The following PEAK1 variants were observed in gnomAD, a reference collection of about 807,000 sequenced individuals.
PEAK1 encodes pseudopodium enriched atypical kinase 1.
In PEAK1, 54 loss-of-function variants were observed where a neutral mutation model predicts 124.7. The observed-to-expected ratio is 0.43, with a 90% confidence interval of 0.35 to 0.54. PEAK1 has a LOEUF of 0.54. Ranked by LOEUF, PEAK1 falls within the 20% of genes least tolerant of loss-of-function variation. PEAK1 has a pLI of 0.01. For synonymous variants in PEAK1, 719 were observed against 760.0 expected, an observed-to-expected ratio of 0.95 and a Z score of 0.89; for missense variants, 2,046 against 2,134.5, an observed-to-expected ratio of 0.96 and a Z score of 0.82.
At chr15:77,210,893 A>G (rs1026507489) in intron 6 of PEAK1, among the ~76,000 whole-genome samples, 21 of 152,220 alleles carry the variant, frequency 1.4e-4, no homozygotes, top group Non-Finnish European at 3.1e-4. Context: ...CTGTCTCAAA[A>G]AACAAAAACA....
intron 5 of PEAK1, among the ~76,000 whole-genome samples, chr15:77,264,323 T>C (rs1473128681): frequency 6.6e-6 from 1 of 152,164 alleles, no homozygotes; most frequent in Non-Finnish European, 1.5e-5. Context: ...TTGTCCCTGT[T>C]TGCAGATGAC....
chr15:77,139,913 G>T (rs1341891381), intron 8 of PEAK1, among the ~76,000 whole-genome samples: 1 of 151,930 alleles, frequency 6.6e-6, no homozygotes, highest in African/African-American at 2.4e-5. Context: ...ATATGAGAAT[G>T]CTAAGCTTCA....
chr15:77,269,884 T>C (rs1479511583), intron 5 of PEAK1, among the ~76,000 whole-genome samples: 1 of 152,214 alleles, frequency 6.6e-6, no homozygotes, highest in African/African-American at 2.4e-5. Context: ...TTGTTCTCAC[T>C]GGTTTCAAAG....
intron 1 of PEAK1, chr15:77,417,822 T>C (rs1471609248): frequency 3.0e-6 from 3 of 985,326 alleles, no homozygotes; most frequent in South Asian, 9.4e-5. Context: ...TTATATGAAA[T>C]GTGCCAAAGC....
intron 1 of PEAK1, among the ~76,000 whole-genome samples, chr15:77,400,144 G>A (rs538212433): frequency 2.0e-4 from 30 of 152,104 alleles, no homozygotes; most frequent in African/African-American, 6.0e-4. Flanking sequence ...TTATCCAAAA[G>A]ACAGGCAATA....
chr15:77,201,338 C>T (rs1014600210), intron 6 of PEAK1, among the ~76,000 whole-genome samples: 3 of 149,774 alleles, frequency 2.0e-5, no homozygotes, highest in East Asian at 2.0e-4. Context: ...CCCGGGTTCA[C>T]GCCATTCTCC....
intron 6 of PEAK1, among the ~76,000 whole-genome samples, chr15:77,217,222 C>CAA (rs34034344): frequency 2.2e-3 from 147 of 68,188 alleles, no homozygotes; most frequent in African/African-American, 3.1e-3. Context: ...GACTCTGTCT[C>CAA]AAAAAAAAAA....
At chr15:77,299,268 AC>A (rs2063667669) in intron 2 of PEAK1, among the ~76,000 whole-genome samples, 1 of 152,158 alleles carries the variant, frequency 6.6e-6, no homozygotes, top group African/African-American at 2.4e-5. Flanking sequence ...CACTCAACTC[AC>A]AATGGCTTTT....
chr15:77,183,372 T>C (rs901642632), intron 6 of PEAK1, among the ~76,000 whole-genome samples: 3 of 152,230 alleles, frequency 2.0e-5, no homozygotes, highest in African/African-American at 7.2e-5. Context: ...GGATTTCCAC[T>C]GGTGCATCTA....
chr15:77,285,003 A>G lies in PEAK1; in HGVS notation c.-468T>C, dbSNP rs952960372. On this transcript the variant is annotated 5_prime_UTR_variant, in exon 4 of 10. Transcript: ENST00000682557. The stretch of plus-strand genomic sequence containing the variant: ...GAGGCTGAGGCAGGAGAATTACTCG[A>G]ACCCGGAAGGCAGAGGTTGCAGTGA... 1 of 151,772 alleles carries G rather than the reference A, an allele frequency of 6.6e-6. No homozygotes were observed. Among genetic ancestry groups the G allele is most frequent in the African/African-American group, 2.4e-5 (1 of 41,178 alleles). 9.4% of individuals were successfully genotyped at this position (151,772 alleles called of 1,614,324 possible).
chr15:77,153,868 G>C (rs535244494), intron 8 of PEAK1, among the ~76,000 whole-genome samples: 2 of 152,150 alleles, frequency 1.3e-5, no homozygotes, highest in African/African-American at 2.4e-5. Flanking sequence ...TATAATTTCT[G>C]TTCTTTTACA....
intron 2 of PEAK1, among the ~76,000 whole-genome samples, chr15:77,301,002 C>T (rs1459830821): frequency 6.6e-6 from 1 of 152,102 alleles, no homozygotes; most frequent in African/African-American, 2.4e-5. Context: ...CAGGCATGTG[C>T]CACCATGCCC....
chr15:77,327,964 G>T, intron 2 of PEAK1, among the ~76,000 whole-genome samples: 1 of 152,068 alleles, frequency 6.6e-6, no homozygotes, highest in East Asian at 1.9e-4. Flanking sequence ...TGACTTCAAA[G>T]ATGCCTCCAA....
At chr15:77,168,235 G>GCACACACACACA (rs768288460) in intron 7 of PEAK1, among the ~76,000 whole-genome samples, 1 of 59,644 alleles carries the variant, frequency 1.7e-5, no homozygotes, top group Admixed American at 1.9e-4. Context: ...GCATGTGCGC[G>GCACACACACACA]CGCACACACA....
chr15:77,290,618 T>C (rs2063165029), intron 2 of PEAK1, among the ~76,000 whole-genome samples: 1 of 151,452 alleles, frequency 6.6e-6, no homozygotes, highest in African/African-American at 2.4e-5. Context: ...GGCGTGACCA[T>C]GGATCACTGC....
At chr15:77,126,056 G>C (rs963749883) in intron 9 of PEAK1, among the ~76,000 whole-genome samples, 1 of 152,166 alleles carries the variant, frequency 6.6e-6, no homozygotes, top group Non-Finnish European at 1.5e-5. Context: ...AGTGTTTAAT[G>C]ATCCAAAATC....
At chr15:77,220,913 C>T (rs2059359649) in intron 6 of PEAK1, among the ~76,000 whole-genome samples, 1 of 151,690 alleles carries the variant, frequency 6.6e-6, no homozygotes, top group Non-Finnish European at 1.5e-5. Flanking sequence ...AGATTAGAAA[C>T]TAAATACAGA....
rs1045976802 is a variant in PEAK1, at chr15:77,162,064, A to T, written c.3138-3368T>A. 1.3e-4 allele frequency among the ~76,000 whole-genome samples: 19 copies of T among 151,922 alleles called. 1 individual carries two copies. Among genetic ancestry groups the T allele is most frequent in the Admixed American group, 4.6e-4 (7 of 15,244 alleles). On this transcript the variant is annotated intron_variant, in intron 7 of 9. Coordinates refer to ENST00000682557, the MANE Select transcript of PEAK1 (RefSeq NM_001385026.1). The stretch of plus-strand genomic sequence containing the variant: ...TAACAATATACTATGACTAAAAAAT[A>T]AAAAAAATTGAGAAAAGTAGCAGAG...
chr15:77,360,966 A>C (rs1471936257), intron 2 of PEAK1, among the ~76,000 whole-genome samples: 4 of 152,128 alleles, frequency 2.6e-5, no homozygotes, highest in African/African-American at 9.7e-5. Context: ...TGGTCTGGGA[A>C]AAGATTTTAT....
Sources: gnomAD v4.1 joint callset for allele counts (sites outside exome capture counted in the v4.1 genomes callset) on GRCh38, gnomAD v4.1.1 for gene constraint, MANE v1.5 for transcripts, NCBI Gene and HGNC (gene_info 2026-07-23, HGNC 2026-07-21) for gene names.